The following MOSMO variants were observed in gnomAD, a reference collection of about 807,000 sequenced individuals.
The protein encoded by MOSMO is modulator of smoothened.
Under a neutral mutation model 18.4 loss-of-function variants are expected in MOSMO, and 5 were observed. That is an observed-to-expected ratio of 0.27 (90% CI 0.14 to 0.57). The LOEUF is 0.57. Ranked by LOEUF, MOSMO falls within the 20% of genes least tolerant of loss-of-function variation. The probability of loss-of-function intolerance (pLI) is 0.92; values close to 1 mark genes in which losing one functional copy is unlikely to be tolerated. For synonymous variants in MOSMO, 82 were observed against 82.3 expected (o/e 1.00, Z 0.02); for missense variants, 138 against 211.8 (o/e 0.65, Z 2.16).
chr16:22,016,407 T>C (rs1335902871), intron 1 of MOSMO, among the ~76,000 whole-genome samples: 1 of 152,192 alleles, frequency 6.6e-6, no homozygotes, highest in East Asian at 1.9e-4. Flanking sequence ...ACTGTCTGTC[T>C]TATTTATTTA....
At chr16:22,049,828 C>T (rs1424166311) in intron 1 of MOSMO, among the ~76,000 whole-genome samples, 1 of 152,206 alleles carries the variant, frequency 6.6e-6, no homozygotes, top group South Asian at 2.1e-4. Flanking sequence ...AGCCAGTTAC[C>T]TAAAACAGTT....
rs1387902083 is a variant in MOSMO, at chr16:22,081,676, A to G, written c.*796A>G. 6.6e-6 allele frequency: 1 copy of G among 150,984 alleles called. No homozygotes were observed. Among genetic ancestry groups the G allele is most frequent in the Non-Finnish European group, 1.5e-5 (1 of 67,880 alleles). The allele number at this position is 150,984 out of a possible 1,614,324, so 9.4% of individuals were successfully genotyped here. A position where few individuals can be genotyped will look rare whatever the true frequency, so the allele number is the denominator to read the frequency against. The stretch of plus-strand genomic sequence containing the variant: ...TAAATTTATATACACACACATGCAA[A>G]CAGTTCCTGGAAGAGAATTCTGAAT... On this transcript the variant is annotated 3_prime_UTR_variant, in exon 3 of 3. Transcript: ENST00000542527.
chr16:22,090,570 C>T (rs942124265), downstream of MOSMO, among the ~76,000 whole-genome samples: 1 of 152,140 alleles, frequency 6.6e-6, no homozygotes, highest in Non-Finnish European at 1.5e-5. Context: ...AGCACCTGCT[C>T]CTGGTTTGAA....
intron 1 of MOSMO, among the ~76,000 whole-genome samples, chr16:22,044,126 G>T (rs1281400338): frequency 6.6e-6 from 1 of 152,066 alleles, no homozygotes; most frequent in Admixed American, 6.5e-5. Context: ...CTCCCACCAG[G>T]TCCCTCCCAC....
At chr16:22,092,573 G>T in the MOSMO span, 2 of 1,543,454 alleles carry the variant, frequency 1.3e-6, no homozygotes, top group East Asian at 2.5e-5. Context: ...GAAACCAGAA[G>T]TGAGATCCAG....
At position 22,080,922 on chromosome 16, in the gene MOSMO, TTTTA is replaced by T. The variant is rs1901066316; in HGVS notation, c.*46_*49del. The T allele has an allele frequency of 2.0e-6, 2 of 995,544 alleles. No individual in the cohort carries two copies. Among genetic ancestry groups the T allele is most frequent in the Non-Finnish European group, 2.6e-6 (2 of 756,628 alleles). The allele number at this position is 995,544 out of a possible 1,614,324, so 61.7% of individuals were successfully genotyped here. A position where few individuals can be genotyped will look rare whatever the true frequency, so the allele number is the denominator to read the frequency against. ...TTGACTCTTATTATTTTTTATTTTATTTTATTTTTTTATTTTTGGAGGGTGGAGA... is the reference window on the plus strand; with the variant it reads ...TTGACTCTTATTATTTTTTATTTTATTTTTTTTATTTTTGGAGGGTGGAGA... On this transcript the variant is annotated 3_prime_UTR_variant, in exon 3 of 3. Coordinates refer to ENST00000542527, the MANE Select transcript of MOSMO (RefSeq NM_001164579.2).
intron 1 of MOSMO, among the ~76,000 whole-genome samples, chr16:22,043,274 T>G (rs991547935): frequency 3.3e-5 from 5 of 152,184 alleles, no homozygotes; most frequent in African/African-American, 1.2e-4. Context: ...TAGCAAGAAT[T>G]TTAAAGTTTT....
chr16:22,033,536 C>T (rs1356549495), intron 1 of MOSMO, among the ~76,000 whole-genome samples: 3 of 151,772 alleles, frequency 2.0e-5, no homozygotes, highest in Admixed American at 2.0e-4. Flanking sequence ...TACAGGCACC[C>T]GCCATGATGC....
intron 1 of MOSMO, among the ~76,000 whole-genome samples, chr16:22,062,192 A>G (rs1188202585): frequency 6.6e-6 from 1 of 152,188 alleles, no homozygotes; most frequent in Non-Finnish European, 1.5e-5. Flanking sequence ...TTCTAAGTCT[A>G]AAAAAGCAAG....
At chr16:22,011,829 C>T (rs1899535331) in intron 1 of MOSMO, among the ~76,000 whole-genome samples, 1 of 151,134 alleles carries the variant, frequency 6.6e-6, no homozygotes. Flanking sequence ...AGTAAACCCC[C>T]CAAAACATAA....
At chr16:22,008,780 G>A (rs1466364690) in intron 1 of MOSMO, among the ~76,000 whole-genome samples, 3 of 151,968 alleles carry the variant, frequency 2.0e-5, no homozygotes, top group Non-Finnish European at 4.4e-5. Context: ...GTGGGAGACG[G>A]GAGGAAACTG....
At chr16:22,074,590 G>T (rs891798051) in intron 1 of MOSMO, among the ~76,000 whole-genome samples, 9 of 152,188 alleles carry the variant, frequency 5.9e-5, no homozygotes, top group Admixed American at 3.9e-4. Context: ...TGGGGAAGAA[G>T]ATCAAATAAT....
At chr16:22,030,310 A>G (rs576728550) in intron 1 of MOSMO, among the ~76,000 whole-genome samples, 1 of 152,310 alleles carries the variant, frequency 6.6e-6, no homozygotes, top group African/African-American at 2.4e-5. Context: ...AGATTCAAAT[A>G]CAGTCAACGT....
chr16:22,088,020 C>G (rs1218717389), downstream of MOSMO, among the ~76,000 whole-genome samples: 1 of 151,904 alleles, frequency 6.6e-6, no homozygotes, highest in East Asian at 1.9e-4. Context: ...AAGATATTAT[C>G]TATACCTGCC....
At chr16:22,027,363 A>T (rs1899897040) in intron 1 of MOSMO, among the ~76,000 whole-genome samples, 3 of 152,224 alleles carry the variant, frequency 2.0e-5, no homozygotes, top group South Asian at 4.1e-4. Flanking sequence ...TTTAACCGTT[A>T]TACAAAAATA....
intron 1 of MOSMO, among the ~76,000 whole-genome samples, chr16:22,035,536 G>A (rs935422556): frequency 6.6e-6 from 1 of 151,858 alleles, no homozygotes; most frequent in Admixed American, 6.6e-5. Context: ...ATCATACTGA[G>A]CCTCAGGAAT....
intron 1 of MOSMO, among the ~76,000 whole-genome samples, chr16:22,015,874 G>A (rs1038459930): frequency 6.6e-6 from 1 of 152,082 alleles, no homozygotes; most frequent in Admixed American, 6.6e-5. Context: ...TGAACAGCAG[G>A]CATGAGTAAA....
intron 1 of MOSMO, among the ~76,000 whole-genome samples, chr16:22,009,947 C>T (rs1477502636): frequency 6.6e-6 from 1 of 151,174 alleles, no homozygotes; most frequent in Non-Finnish European, 1.5e-5. Flanking sequence ...GCTGAGATTG[C>T]GCTACTGCAC....
At chr16:22,066,485 C>G (rs956644743) in intron 1 of MOSMO, among the ~76,000 whole-genome samples, 11 of 152,166 alleles carry the variant, frequency 7.2e-5, no homozygotes, top group Non-Finnish European at 1.6e-4. Flanking sequence ...AGGCCCTACT[C>G]TCTCACCTCT....
Sources: allele counts gnomAD v4.1 joint callset (sites outside exome capture counted in the v4.1 genomes callset), GRCh38; gene constraint gnomAD v4.1.1; transcripts MANE v1.5; gene names NCBI Gene and HGNC (gene_info 2026-07-23, HGNC 2026-07-21).